The following CFAP61 variants were observed in gnomAD, a reference collection of about 807,000 sequenced individuals.
CFAP61 encodes cilia and flagella associated protein 61.
A neutral mutation model predicts 135.6 loss-of-function variants in CFAP61; 107 were observed. The ratio of observed to expected loss-of-function variants is 0.79; its 90% CI spans 0.67 to 0.93. CFAP61 has a LOEUF of 0.93. Among genes scored for constraint, CFAP61 ranks in the 40% least tolerant of loss-of-function variants. The pLI is 0.00. For missense variants in CFAP61, 1,507 were observed against 1,556.2 expected (o/e 0.97, Z 0.53); for synonymous variants, 575 against 578.5 (o/e 0.99, Z 0.09).
chr20:20,309,787 A>G (rs1380247920), intron 25 of CFAP61, among the ~76,000 whole-genome samples: 1 of 152,184 alleles, frequency 6.6e-6, no homozygotes, highest in East Asian at 1.9e-4. Context: ...AGGATAATTC[A>G]TGTGTGGAGG....
At chr20:20,234,554 G>T (rs542622546) in intron 18 of CFAP61, among the ~76,000 whole-genome samples, 6 of 152,136 alleles carry the variant, frequency 3.9e-5, no homozygotes, top group African/African-American at 1.4e-4. Flanking sequence ...AAAAGAGATG[G>T]CATTTAAGGA....
intron 8 of CFAP61, among the ~76,000 whole-genome samples, chr20:20,101,432 C>G (rs1374917841): frequency 6.6e-6 from 1 of 152,050 alleles, no homozygotes; most frequent in Admixed American, 6.5e-5. Context: ...CTTGCTAAAG[C>G]TCATCCAAGC....
At chr20:20,300,099 G>A (rs2055962663) in intron 25 of CFAP61, among the ~76,000 whole-genome samples, 1 of 152,142 alleles carries the variant, frequency 6.6e-6, no homozygotes. Context: ...CACAACACAT[G>A]ACTCACGTGT....
intron 13 of CFAP61, among the ~76,000 whole-genome samples, chr20:20,181,216 T>TGTGTATATATGTATATATAC (rs1476964066): frequency 2.3e-5 from 2 of 85,132 alleles, no homozygotes; most frequent in Admixed American, 2.6e-4. Flanking sequence ...TATATATACA[T>TGTGTATATATGTATATATAC]ATGTGTATAT....
At chr20:20,130,006 G>A (rs1199627534) in intron 8 of CFAP61, among the ~76,000 whole-genome samples, 1 of 151,584 alleles carries the variant, frequency 6.6e-6, no homozygotes, top group African/African-American at 2.4e-5. Context: ...AGATCACTGA[G>A]TAGCCGGGCG....
At chr20:20,317,832 T>C (rs893962755) in intron 25 of CFAP61, among the ~76,000 whole-genome samples, 5 of 152,092 alleles carry the variant, frequency 3.3e-5, no homozygotes, top group African/African-American at 7.2e-5. Flanking sequence ...CCAAGTGAAA[T>C]AGGAAAGTGT....
intron 17 of CFAP61, among the ~76,000 whole-genome samples, chr20:20,211,671 G>A (rs1285896156): frequency 6.6e-6 from 1 of 152,204 alleles, no homozygotes; most frequent in African/African-American, 2.4e-5. Context: ...ATTACAGACT[G>A]TGCCACATTC....
intron 11 of CFAP61, among the ~76,000 whole-genome samples, chr20:20,164,706 A>G (rs1481766278): frequency 3.3e-5 from 5 of 152,092 alleles, no homozygotes; most frequent in Admixed American, 6.5e-5. Flanking sequence ...TTACCAAATC[A>G]AGGACCAAGT....
At chr20:20,128,518 G>T (rs528788925) in intron 8 of CFAP61, among the ~76,000 whole-genome samples, 1 of 151,810 alleles carries the variant, frequency 6.6e-6, no homozygotes, top group South Asian at 2.1e-4. Flanking sequence ...CACAGTTGGG[G>T]CACTCACAGT....
Position 20,090,910 on chromosome 20 carries a change from C to A in CFAP61, c.633C>A (p.Tyr211Ter). The change falls in exon 7 of 27, where the codon TAC becomes TAA. Residue 211 changes from tyrosine (Y) to a stop codon, truncating the protein, a stop_gained. Coordinates refer to ENST00000245957, the MANE Select transcript of CFAP61 (RefSeq NM_015585.4). LOFTEE classifies it high-confidence loss of function. ...MRYDTILKET[Y>*]GEYFLAELIE... ...ATGACACAATTCTGAAGGAAACTTA[C>A]GGTGAATACTTCCTGGCCGAACTAA... is the stretch of plus-strand genomic sequence containing the variant. 1.9e-6 allele frequency: 3 copies of A among 1,614,026 alleles called. No individual in the cohort carries two copies. The highest frequency in any genetic ancestry group is 1.1e-5 in the South Asian group (1 of 91,080).
Position 20,164,158 on chromosome 20 carries a change from C to T in CFAP61, c.1135C>T (p.Pro379Ser), listed in dbSNP as rs748405481. 6.2e-6 allele frequency: 10 copies of T among 1,614,146 alleles called. No homozygotes were observed. The highest frequency in any genetic ancestry group is 5.9e-6 in the Non-Finnish European group (7 of 1,179,996). ...VLPEEPVHFR[P>S]IYRGASAAFC... ...GCCTGAAGAGCCCGTCCACTTCCGC[C>T]CCATCTACAGGGGAGCCTCAGCTGC... Residue 379 changes from proline to serine, a missense_variant, in exon 11 of 27, where the codon CCC (proline) becomes TCC (serine). Coordinates refer to ENST00000245957, the MANE Select transcript of CFAP61 (RefSeq NM_015585.4).
At chr20:20,087,033 A>G (rs1378439538) in intron 6 of CFAP61, among the ~76,000 whole-genome samples, 2 of 152,210 alleles carry the variant, frequency 1.3e-5, no homozygotes, top group East Asian at 1.9e-4. Context: ...AAGTAAATCA[A>G]CTTGTATCAT....
chr20:20,304,303 T>TGA (rs112391087), intron 25 of CFAP61, among the ~76,000 whole-genome samples: 2,580 of 147,498 alleles, frequency 0.017, 62 homozygotes, highest in African/African-American at 0.041. Flanking sequence ...TGTGTGTGTG[T>TGA]GAGAGAGAGA....
chr20:20,324,870 C>A lies in CFAP61; in HGVS notation c.3423-16961C>A, dbSNP rs1226476458. On this transcript the variant is annotated intron_variant, in intron 25 of 26. Transcript: ENST00000245957. ...ATTCTTCTGTGAATTGCGTGTCATTCTTTGCCCATTTTTAATTAGGTTGCC... is the reference window on the plus strand; with the variant it reads ...ATTCTTCTGTGAATTGCGTGTCATTATTTGCCCATTTTTAATTAGGTTGCC... Among the ~76,000 whole-genome samples, 3 of 152,134 alleles carry A rather than the reference C, an allele frequency of 2.0e-5. No homozygotes were observed. The East Asian group carries it at 5.8e-4, about 29-fold the overall frequency.
At chr20:20,346,513 C>T (rs6132291) in intron 26 of CFAP61, among the ~76,000 whole-genome samples, 35,855 of 87,266 alleles carry the variant, frequency 0.41, 4,876 homozygotes, top group African/African-American at 0.5. Flanking sequence ...AGCAAAACTC[C>T]GTCTCAAAAA....
chr20:20,322,198 TGATACCCCTGTCATCATG>T (rs1037153555), intron 25 of CFAP61, among the ~76,000 whole-genome samples: 119 of 152,314 alleles, frequency 7.8e-4, no homozygotes, highest in African/African-American at 2.7e-3. Flanking sequence ...TTGTTCCATC[TGATACCCCTGTCATCATG>T]GAGCAGAGCC....
In CFAP61 at chr20:20,318,921, G is replaced by A. The variant is rs1169699935; in HGVS notation, c.3422+20535G>A. ...GTTTTGGCTCCTCCTTCCACTTCTG[G>A]TATTGCATAAAATCCTCCACCACAG... On this transcript the variant is annotated intron_variant, in intron 25 of 26. Coordinates refer to ENST00000245957, the MANE Select transcript of CFAP61 (RefSeq NM_015585.4). Among the ~76,000 whole-genome samples, 12 of 152,284 alleles carry A rather than the reference G, an allele frequency of 7.9e-5. No individual in the cohort carries two copies. The East Asian group carries it at 2.1e-3, about 27-fold the overall frequency.
chr20:20,344,969 G>T (rs565523430), intron 26 of CFAP61, among the ~76,000 whole-genome samples: 1 of 152,104 alleles, frequency 6.6e-6, no homozygotes, highest in Non-Finnish European at 1.5e-5. Flanking sequence ...GGAACTAGAG[G>T]ACATTATGTT....
intron 18 of CFAP61, among the ~76,000 whole-genome samples, chr20:20,230,623 G>A (rs763505880): frequency 5.9e-5 from 9 of 152,066 alleles, no homozygotes; most frequent in Admixed American, 3.3e-4. Context: ...AGCAATCTCG[G>A]TTCACTACAA....
Sources: allele counts gnomAD v4.1 joint callset (sites outside exome capture counted in the v4.1 genomes callset), GRCh38; gene constraint gnomAD v4.1.1; transcripts MANE v1.5; gene names NCBI Gene and HGNC (gene_info 2026-07-23, HGNC 2026-07-21).